The following SLC8A1 variants were observed in gnomAD, a reference collection of about 807,000 sequenced individuals.
The protein encoded by SLC8A1 is solute carrier family 8 member A1.
A neutral mutation model predicts 68.3 loss-of-function variants in SLC8A1; 18 were observed. That is an observed-to-expected ratio of 0.26 (90% CI 0.18 to 0.39). The LOEUF (loss-of-function observed/expected upper bound fraction) is 0.39. Among genes scored for constraint, SLC8A1 ranks in the 10% least tolerant of loss-of-function variants. SLC8A1 has a pLI of 1.00. For synonymous variants in SLC8A1, 475 were observed against 415.5 expected (o/e 1.14, Z -1.74); for missense variants, 985 against 1,156.7 (o/e 0.85, Z 2.15).
At chr2:40,118,624 T>G (rs2036082425) in intron 7 of SLC8A1, 1 of 145,632 alleles carries the variant, frequency 6.9e-6, no homozygotes, top group Non-Finnish European at 1.5e-5. Context: ...TTTTTTTTTT[T>G]TTTTTTTTTT....
At chr2:40,384,663 T>TG (rs1682998102) in intron 2 of SLC8A1, among the ~76,000 whole-genome samples, 1 of 152,170 alleles carries the variant, frequency 6.6e-6, no homozygotes, top group Non-Finnish European at 1.5e-5. Flanking sequence ...GAATATTTTA[T>TG]ATTTTTTATT....
intron 2 of SLC8A1, among the ~76,000 whole-genome samples, chr2:40,237,957 C>T (rs1236561291): frequency 3.3e-5 from 5 of 151,532 alleles, no homozygotes; most frequent in Admixed American, 6.6e-5. Context: ...AGGCAGTCTG[C>T]CCGTTCTCAG....
chr2:40,174,760 T>C, intron 4 of SLC8A1, 40 bp from the exon 6 acceptor site: 1 of 1,577,606 alleles, frequency 6.3e-7, no homozygotes. Flanking sequence ...TTTTTTTTAA[T>C]GTAATAACAT....
chr2:40,451,011 T>C (rs1273966379), intron 1 of SLC8A1, among the ~76,000 whole-genome samples: 1 of 151,968 alleles, frequency 6.6e-6, no homozygotes, highest in Non-Finnish European at 1.5e-5. Flanking sequence ...AGGGGGTGGA[T>C]TTAAAGAATC....
At chr2:40,387,338 G>T (rs1683877359) in intron 2 of SLC8A1, among the ~76,000 whole-genome samples, 1 of 151,412 alleles carries the variant, frequency 6.6e-6, no homozygotes, top group Non-Finnish European at 1.5e-5. Context: ...AAGCAAAGGA[G>T]ATAACAAAGA....
intron 1 of SLC8A1, among the ~76,000 whole-genome samples, chr2:40,494,928 A>G (rs1705593520): frequency 6.6e-6 from 1 of 151,268 alleles, no homozygotes; most frequent in Non-Finnish European, 1.5e-5. Flanking sequence ...ATAACCCTAA[A>G]CCTAGTGATA....
In SLC8A1 at chr2:40,289,793, G is replaced by A. The variant is rs574827219; in HGVS notation, c.1809-111938C>T. Among the ~76,000 whole-genome samples, 5 of 151,994 alleles carry A rather than the reference G, an allele frequency of 3.3e-5. No homozygotes were observed. In the East Asian group the frequency reaches 7.7e-4, roughly 24 times the overall value. On this transcript the variant is annotated intron_variant, in intron 2 of 7. Coordinates refer to ENST00000406785, the Ensembl canonical transcript of SLC8A1. ...GGAGAATTGCTTGAACTTAGGAGGTGGAGGTTGCAGTGAGCCGAGATCGTG... is the reference window on the plus strand; with the variant it reads ...GGAGAATTGCTTGAACTTAGGAGGTAGAGGTTGCAGTGAGCCGAGATCGTG...
chr2:40,401,503 C>A (rs1321425003), intron 2 of SLC8A1, among the ~76,000 whole-genome samples: 1 of 138,844 alleles, frequency 7.2e-6, no homozygotes, highest in African/African-American at 2.7e-5. Context: ...ACTTTGTATT[C>A]ATTTTACTGC....
intron 2 of SLC8A1, among the ~76,000 whole-genome samples, chr2:40,206,837 C>T (rs936128222): frequency 3.9e-5 from 6 of 151,904 alleles, no homozygotes; most frequent in Admixed American, 1.3e-4. Flanking sequence ...AAGAGCTCGG[C>T]GAAAATGGTT....
At chr2:40,301,049 A>C (rs940475411) in intron 2 of SLC8A1, among the ~76,000 whole-genome samples, 4 of 152,224 alleles carry the variant, frequency 2.6e-5, no homozygotes, top group South Asian at 2.1e-4. Flanking sequence ...AGGAAGAAAA[A>C]CGTTCAAGGA....
chr2:40,279,202 G>T (rs961951477), intron 2 of SLC8A1, among the ~76,000 whole-genome samples: 1 of 152,146 alleles, frequency 6.6e-6, no homozygotes, highest in African/African-American at 2.4e-5. Flanking sequence ...ATCCTCCTGG[G>T]ACTGCTATTA....
intron 1 of SLC8A1, among the ~76,000 whole-genome samples, chr2:40,459,508 G>T (rs1703220078): frequency 6.6e-6 from 1 of 152,112 alleles, no homozygotes; most frequent in South Asian, 2.1e-4. Context: ...CTGCGTTTTG[G>T]AGCATATTCA....
In SLC8A1 at chr2:40,224,395, A is replaced by G. The variant is rs2058715462; in HGVS notation, c.1809-46540T>C. Among the ~76,000 whole-genome samples the G allele has an allele frequency of 2.0e-5, 3 of 152,088 alleles. 1 individual carries two copies. Among genetic ancestry groups the G allele is most frequent in the Admixed American group, 2.0e-4 (3 of 15,258 alleles). ...CTATTTAGAACTGGAGGTTCCCAAG[A>G]GATACATTTCCATCATTTTGTGAGA... is the stretch of plus-strand genomic sequence containing the variant. On this transcript the variant is annotated intron_variant, in intron 2 of 7. Transcript: ENST00000406785.
At chr2:40,382,209 C>A (rs376133737) in intron 2 of SLC8A1, among the ~76,000 whole-genome samples, 1 of 152,078 alleles carries the variant, frequency 6.6e-6, no homozygotes, top group African/African-American at 2.4e-5. Flanking sequence ...AGCTTAATGA[C>A]CTGCCACAGA....
intron 2 of SLC8A1, among the ~76,000 whole-genome samples, chr2:40,407,264 C>A (rs1457715768): frequency 1.3e-5 from 2 of 152,132 alleles, no homozygotes; most frequent in South Asian, 2.1e-4. Flanking sequence ...CAGGGTTTCA[C>A]CATGTTGGCC....
intron 4 of SLC8A1, among the ~76,000 whole-genome samples, chr2:40,173,195 G>A (rs898328942): frequency 3.3e-5 from 5 of 152,062 alleles, no homozygotes; most frequent in Admixed American, 6.5e-5. Context: ...ATCTCCCAGG[G>A]ATAACTCATT....
At chr2:40,188,115 T>C (rs145160738) in intron 2 of SLC8A1, among the ~76,000 whole-genome samples, 15 of 152,288 alleles carry the variant, frequency 9.8e-5, no homozygotes, top group African/African-American at 2.9e-4. Flanking sequence ...TTTTTATTGC[T>C]TAAAAATACT....
At chr2:40,331,514 G>A (rs2076404391) in intron 2 of SLC8A1, among the ~76,000 whole-genome samples, 1 of 152,056 alleles carries the variant, frequency 6.6e-6, no homozygotes, top group South Asian at 2.1e-4. Flanking sequence ...TGAGTTAACT[G>A]CATAAAATAG....
intron 4 of SLC8A1, 143 bp downstream of exon 7, chr2:40,170,138 G>A (rs932172215): frequency 5.0e-5 from 36 of 722,328 alleles, no homozygotes; most frequent in Middle Eastern, 3.7e-4. Context: ...GTAATCCACC[G>A]TACCACTGGC....
Sources: gnomAD v4.1 joint callset for allele counts (sites outside exome capture counted in the v4.1 genomes callset) on GRCh38, gnomAD v4.1.1 for gene constraint, MANE v1.5 for transcripts, NCBI Gene and HGNC (gene_info 2026-07-23, HGNC 2026-07-21) for gene names.